STARD9: variants seen among roughly 807,000 people sequenced by gnomAD.
STARD9 encodes the protein stAR-related lipid transfer protein 9.
STARD9 carries 346 observed loss-of-function variants against 399.8 expected under a neutral mutation model. The ratio of observed to expected loss-of-function variants is 0.87; its 90% confidence interval spans 0.79 to 0.95. The LOEUF is 0.95. Ranked by LOEUF, STARD9 falls within the 40% of genes least tolerant of loss-of-function variation. The pLI is 0.00. For missense variants in STARD9, 5,832 were observed against 5,667.5 expected (o/e 1.03, Z -0.93); for synonymous variants, 2,203 against 2,143.5 (o/e 1.03, Z -0.77).
chr15:42,677,659 C>T (rs113233221), intron 20 of STARD9, among the ~76,000 whole-genome samples: 21 of 152,226 alleles, frequency 1.4e-4, no homozygotes, highest in South Asian at 1.0e-3. Context: ...AACCGATTCA[C>T]GTCCTGGCTG....
intron 15 of STARD9, among the ~76,000 whole-genome samples, chr15:42,667,369 G>C (rs1366237989): frequency 6.6e-6 from 1 of 151,852 alleles, no homozygotes; most frequent in Admixed American, 6.6e-5. Flanking sequence ...ATCTTTAGTA[G>C]AGATGGGGTT....
At chr15:42,696,363 G>A (rs1566954328) in intron 26 of STARD9, among the ~76,000 whole-genome samples, 1 of 152,210 alleles carries the variant, frequency 6.6e-6, no homozygotes, top group East Asian at 1.9e-4. Flanking sequence ...TGGGAGAGAT[G>A]TGGGCCTAGC....
chr15:42,613,829 G>A (rs995336526), intron 3 of STARD9, among the ~76,000 whole-genome samples: 1 of 151,952 alleles, frequency 6.6e-6, no homozygotes, highest in African/African-American at 2.4e-5. Flanking sequence ...GCCGGGTGTG[G>A]TGGCTTGCGT....
At chr15:42,706,907 T>C (rs2061100376) in intron 26 of STARD9, among the ~76,000 whole-genome samples, 1 of 152,226 alleles carries the variant, frequency 6.6e-6, no homozygotes, top group African/African-American at 2.4e-5. Context: ...ATTTTGGGGC[T>C]AATATTGAAC....
intron 3 of STARD9, among the ~76,000 whole-genome samples, chr15:42,596,312 A>G (rs527504336): frequency 6.6e-6 from 1 of 152,322 alleles, no homozygotes; most frequent in African/African-American, 2.4e-5. Context: ...TGGATCTGCA[A>G]TGCTGAAAAT....
At chr15:42,669,396 G>T in intron 16 of STARD9, 59 bp downstream of exon 16, 1 of 1,392,622 alleles carries the variant, frequency 7.2e-7, no homozygotes, top group South Asian at 1.4e-5. Context: ...GTCAAGGAGG[G>T]AAAAGCTAGG....
intron 9 of STARD9, 105 bp from the exon 10 acceptor site, chr15:42,661,053 G>T: frequency 1.3e-6 from 1 of 770,180 alleles, no homozygotes. Flanking sequence ...GATTTGTTGA[G>T]TGAATTGGAT....
intron 3 of STARD9, among the ~76,000 whole-genome samples, chr15:42,588,519 A>T (rs1464854687): frequency 1.3e-5 from 2 of 152,034 alleles, no homozygotes; most frequent in Non-Finnish European, 2.9e-5. Context: ...AGGAGTTAGG[A>T]TAGGAAAGAG....
At chr15:42,718,955 G>A (rs1194018311) in intron 32 of STARD9, 45 bp downstream of exon 32, 1 of 1,514,104 alleles carries the variant, frequency 6.6e-7, no homozygotes, top group Non-Finnish European at 8.9e-7. Flanking sequence ...GGCTGACTTG[G>A]TCCCACAGCC....
At chr15:42,585,746 G>T in intron 3 of STARD9, 109 bp downstream of exon 3, 1 of 599,624 alleles carries the variant, frequency 1.7e-6, no homozygotes, top group Non-Finnish European at 2.8e-6. Flanking sequence ...CAGTTGTACA[G>T]ATTGGAAGTA....
chr15:42,688,739 C>T lies in STARD9; in HGVS notation c.7161C>T (p.Thr2387=), dbSNP rs1385287901. 6.5e-7 allele frequency: 1 copy of T among 1,537,576 alleles called. No homozygotes were observed. Among genetic ancestry groups the T allele is most frequent in the Non-Finnish European group, 8.7e-7 (1 of 1,147,024 alleles). Residue 2387 remains threonine (T), a synonymous_variant, in exon 23 of 33, where the codon ACC becomes ACT. Transcript: ENST00000290607. ...GVEHQDQSTE[T]RSHSPEGNVR... The stretch of plus-strand genomic sequence containing the variant: ...AGCATCAGGACCAGAGTACGGAGAC[C>T]AGAAGCCACAGCCCCGAAGGAAATG...
intron 3 of STARD9, among the ~76,000 whole-genome samples, chr15:42,606,446 A>AC (rs1416011003): frequency 6.6e-6 from 1 of 152,096 alleles, no homozygotes; most frequent in Admixed American, 6.6e-5. Flanking sequence ...GATGTGCAGA[A>AC]CACCACCTAT....
chr15:42,682,367 A>C lies in STARD9; in HGVS notation c.2329A>C (p.Lys777Gln). 6.5e-7 allele frequency: 1 copy of C among 1,537,280 alleles called. No homozygotes were observed. Among genetic ancestry groups the C allele is most frequent in the Non-Finnish European group, 8.7e-7 (1 of 1,146,904 alleles). Reference protein sequence around the residue: ...KVSFQLERIIKKQRLLEAQKR... With the variant: ...KVSFQLERIIQKQRLLEAQKR... ...CTCATTCCAGCTAGAGAGAATCATC[A>C]AAAAGCAGAGGCTGCTGGAGGCCCA... is the stretch of plus-strand genomic sequence containing the variant. The change falls in exon 22 of 33, where the codon AAA (lysine) becomes CAA (glutamine). Residue 777 changes from lysine to glutamine, a missense_variant. Physicochemically the swap from Lys to Gln is moderately conservative, Grantham distance 53. Around this residue, in one of 2 missense-constraint regions of STARD9, gnomAD observed 5,828 missense variants for 5,651.1 expected, o/e 1.03. Transcript: ENST00000290607.
At chr15:42,599,636 AG>A in intron 3 of STARD9, among the ~76,000 whole-genome samples, 3 of 152,352 alleles carry the variant, frequency 2.0e-5, no homozygotes, top group Admixed American at 2.0e-4. Context: ...TTTGGATACA[AG>A]GCTTATCTAT....
intron 13 of STARD9, among the ~76,000 whole-genome samples, chr15:42,664,282 C>G (rs529988191): frequency 7.0e-4 from 106 of 152,246 alleles, no homozygotes; most frequent in African/African-American, 1.5e-3. Context: ...GCAATAATGG[C>G]TCACTCTAAG....
In STARD9 at chr15:42,686,280, G is replaced by T. The variant is rs1311244131; in HGVS notation, c.4702G>T (p.Ala1568Ser). 2 of 1,537,690 alleles carry T rather than the reference G, an allele frequency of 1.3e-6. No individual in the cohort carries two copies. Among genetic ancestry groups the T allele is most frequent in the Non-Finnish European group, 8.7e-7 (1 of 1,147,014 alleles). ...RAEKEQDSLNAKLEGVSDFFS... is the reference protein window; with the variant it reads ...RAEKEQDSLNSKLEGVSDFFS... Reference sequence around the variant, plus strand: ...AGAGAAAGAACAGGACAGTTTAAATGCCAAATTAGAAGGTGTTTCAGATTT... The same window carrying T: ...AGAGAAAGAACAGGACAGTTTAAATTCCAAATTAGAAGGTGTTTCAGATTT... Residue 1568 changes from alanine to serine, a missense_variant, in exon 23 of 33, where the codon GCC becomes TCC. This residue lies in a region of STARD9 where 5,828 missense variants were observed against 5,651.1 expected (regional missense o/e 1.03). Coordinates refer to ENST00000290607, the MANE Select transcript of STARD9 (RefSeq NM_020759.3).
intron 26 of STARD9, among the ~76,000 whole-genome samples, chr15:42,699,684 T>C (rs530071996): frequency 6.6e-5 from 10 of 151,990 alleles, no homozygotes; most frequent in South Asian, 6.2e-4. Flanking sequence ...TGAGCCACCG[T>C]GCCTGGCTAA....
chr15:42,706,905 G>A (rs1158526307), intron 26 of STARD9, among the ~76,000 whole-genome samples: 1 of 152,112 alleles, frequency 6.6e-6, no homozygotes, highest in Non-Finnish European at 1.5e-5. Context: ...CTATTTTGGG[G>A]CTAATATTGA....
chr15:42,653,750 GTA>G (rs2059809629), intron 9 of STARD9, among the ~76,000 whole-genome samples: 1 of 152,124 alleles, frequency 6.6e-6, no homozygotes, highest in African/African-American at 2.4e-5. Flanking sequence ...ATATTAGAAA[GTA>G]TCTTAAATCT....
Sources: allele counts gnomAD v4.1 joint callset (sites outside exome capture counted in the v4.1 genomes callset), GRCh38; gene constraint gnomAD v4.1.1; regional missense constraint gnomAD v4.1.1; transcripts MANE v1.5; gene names NCBI Gene and HGNC (gene_info 2026-07-23, HGNC 2026-07-21).